Variants in TRIM71 observed in about 807,000 individuals in gnomAD.
The protein encoded by TRIM71 is tripartite motif containing 71.
A neutral mutation model predicts 61.2 loss-of-function variants in TRIM71; 9 were observed. That is an observed-to-expected ratio of 0.15 (90% CI 0.09 to 0.26). The LOEUF is 0.26. TRIM71 is among the 10% of genes least tolerant of loss of function. The pLI, the probability that TRIM71 is intolerant of heterozygous loss-of-function variation, is 1.00. For synonymous variants in TRIM71, 645 were observed against 553.2 expected (o/e 1.17, Z -2.33); for missense variants, 998 against 1,238.7 (o/e 0.81, Z 2.92).
chr3:32,873,755 CTG>C, intron 1 of TRIM71, 61 bp from the exon 2 acceptor site: 1 of 1,390,194 alleles, frequency 7.2e-7, no homozygotes, highest in South Asian at 1.9e-5. Context: ...CCTCCAGTTG[CTG>C]TCTTCCCTCC....
chr3:32,861,570 A>C (rs1696668623), intron 1 of TRIM71, among the ~76,000 whole-genome samples: 1 of 152,166 alleles, frequency 6.6e-6, no homozygotes, highest in Non-Finnish European at 1.5e-5. Context: ...CTACAAAAAA[A>C]TAAAAATCAT....
At chr3:32,877,635 G>A (rs1254634427) in intron 2 of TRIM71, among the ~76,000 whole-genome samples, 1 of 152,148 alleles carries the variant, frequency 6.6e-6, no homozygotes, top group Non-Finnish European at 1.5e-5. Flanking sequence ...TGAGATTAAA[G>A]GCATCAGCTA....
chr3:32,889,620 G>T (rs560591222), intron 3 of TRIM71, among the ~76,000 whole-genome samples: 1 of 148,140 alleles, frequency 6.8e-6, no homozygotes, highest in Non-Finnish European at 1.5e-5. Flanking sequence ...ACGGAGTCTC[G>T]CCCTGTTCCC....
intron 1 of TRIM71, among the ~76,000 whole-genome samples, chr3:32,850,724 GC>G (rs1394108917): frequency 1.3e-5 from 2 of 152,240 alleles, no homozygotes; most frequent in African/African-American, 4.8e-5. Context: ...AGAGAACGCT[GC>G]TAAGCAGGGT....
chr3:32,875,337 A>AT (rs1317491100), intron 2 of TRIM71, among the ~76,000 whole-genome samples: 4 of 152,216 alleles, frequency 2.6e-5, no homozygotes, highest in African/African-American at 4.8e-5. Flanking sequence ...CACATAGGTG[A>AT]TAGTGTGCCT....
chr3:32,856,157 A>G (rs938295723), intron 1 of TRIM71, among the ~76,000 whole-genome samples: 2 of 152,226 alleles, frequency 1.3e-5, no homozygotes, highest in South Asian at 4.1e-4. Context: ...AGCTGGGACT[A>G]CAGGTGCCCG....
At chr3:32,851,153 G>T (rs1696534535) in intron 1 of TRIM71, among the ~76,000 whole-genome samples, 1 of 152,088 alleles carries the variant, frequency 6.6e-6, no homozygotes, top group African/African-American at 2.4e-5. Context: ...GGGCTGTGGG[G>T]AAAAAAGTTT....
rs1023519809 is a variant in TRIM71 at position 32,897,511 on chromosome 3, T to C, written c.*5700T>C. 1 of 151,816 alleles carries C rather than the reference T, an allele frequency of 6.6e-6. No individual in the cohort carries two copies. Among genetic ancestry groups the C allele is most frequent in the Non-Finnish European group, 1.5e-5 (1 of 68,038 alleles). 9.4% of individuals were successfully genotyped at this position (151,816 alleles called of 1,614,324 possible). On this transcript the variant is annotated 3_prime_UTR_variant, in exon 4 of 4. Transcript: ENST00000383763. ...AAGTGAGTTTTTGTTTGGTTGATTT[T>C]GGGTTTTTTTCCCCCCTCCTCTTTT...
chr3:32,849,973 A>G (rs961821658), intron 1 of TRIM71, among the ~76,000 whole-genome samples: 2 of 152,188 alleles, frequency 1.3e-5, no homozygotes, highest in African/African-American at 2.4e-5. Context: ...TTCTTGGGGT[A>G]TGTCTTCAGT....
chr3:32,888,828 A>G (rs1020993289), intron 3 of TRIM71, among the ~76,000 whole-genome samples: 16 of 152,258 alleles, frequency 1.1e-4, no homozygotes, highest in African/African-American at 3.1e-4. Flanking sequence ...CTGGGCCCCA[A>G]ACTAATTCTT....
chr3:32,844,624 CTTTTCTATTTCA>C (rs1696450210), intron 1 of TRIM71, among the ~76,000 whole-genome samples: 1 of 152,082 alleles, frequency 6.6e-6, no homozygotes, highest in Non-Finnish European at 1.5e-5. Flanking sequence ...CCAATCATAA[CTTTTCTATTTCA>C]TTTTAAATGA....
At chr3:32,851,583 A>G (rs1696538730) in intron 1 of TRIM71, among the ~76,000 whole-genome samples, 1 of 151,800 alleles carries the variant, frequency 6.6e-6, no homozygotes. Flanking sequence ...GGTTCAAGCG[A>G]TTTTCCTGCC....
intron 1 of TRIM71, among the ~76,000 whole-genome samples, chr3:32,845,552 C>A (rs895035810): frequency 5.9e-5 from 9 of 152,198 alleles, no homozygotes; most frequent in South Asian, 4.2e-4. Context: ...CAGGTACAAA[C>A]CCTTTCTTTA....
At chr3:32,844,515 G>T (rs1047890167) in intron 1 of TRIM71, among the ~76,000 whole-genome samples, 2 of 152,106 alleles carry the variant, frequency 1.3e-5, no homozygotes, top group Non-Finnish European at 2.9e-5. Flanking sequence ...TTCTGCCTCA[G>T]CCTCTGGCGT....
intron 1 of TRIM71, among the ~76,000 whole-genome samples, chr3:32,855,884 G>T (rs1696598068): frequency 6.6e-6 from 1 of 152,192 alleles, no homozygotes; most frequent in South Asian, 2.1e-4. Flanking sequence ...CCCCAAGATG[G>T]GTAGCTGGCC....
chr3:32,881,489 A>G (rs1696906816), intron 2 of TRIM71, among the ~76,000 whole-genome samples: 2 of 152,174 alleles, frequency 1.3e-5, no homozygotes, highest in East Asian at 3.8e-4. Context: ...TTCCCTTGAG[A>G]GCCAGATTTG....
chr3:32,872,791 C>G (rs1406328619), intron 1 of TRIM71, among the ~76,000 whole-genome samples: 1 of 152,214 alleles, frequency 6.6e-6, no homozygotes, highest in African/African-American at 2.4e-5. Flanking sequence ...CCTGTCCTCA[C>G]CTGGAGATGA....
At chr3:32,849,230 C>CA (rs940338800) in intron 1 of TRIM71, among the ~76,000 whole-genome samples, 27 of 152,308 alleles carry the variant, frequency 1.8e-4, no homozygotes, top group African/African-American at 5.8e-4. Context: ...AACATTGTTT[C>CA]ATGGTGAAGG....
At chr3:32,851,159 AG>A (rs1696534691) in intron 1 of TRIM71, among the ~76,000 whole-genome samples, 5 of 152,162 alleles carry the variant, frequency 3.3e-5, no homozygotes, top group Admixed American at 3.3e-4. Flanking sequence ...TGGGGAAAAA[AG>A]TTTGTTCTTT....
Sources: gnomAD v4.1 joint callset for allele counts (sites outside exome capture counted in the v4.1 genomes callset) on GRCh38, gnomAD v4.1.1 for gene constraint, MANE v1.5 for transcripts, NCBI Gene and HGNC (gene_info 2026-07-23, HGNC 2026-07-21) for gene names.